Variants in MPZL1 observed in about 807,000 individuals in gnomAD.
The protein encoded by MPZL1 is myelin protein zero-like protein 1.
In MPZL1, 16 loss-of-function variants were observed where a neutral mutation model predicts 29.3. That is an observed-to-expected ratio of 0.55 (90% CI 0.37 to 0.83). The LOEUF (loss-of-function observed/expected upper bound fraction) is 0.83, where lower values mean the gene tolerates loss of function less well. Ranked by LOEUF, MPZL1 falls within the 40% of genes least tolerant of loss-of-function variation. The pLI is 0.00. For missense variants in MPZL1, 279 were observed against 332.9 expected (o/e 0.84, Z 1.26); for synonymous variants, 143 against 132.0 (o/e 1.08, Z -0.57).
intron 2 of MPZL1, among the ~76,000 whole-genome samples, chr1:167,766,872 T>G (rs552667655): frequency 7.9e-5 from 12 of 152,202 alleles, no homozygotes; most frequent in African/African-American, 2.9e-4. Flanking sequence ...GGTAGAAAAA[T>G]CTGCTAATAA....
rs536731229 is a variant in MPZL1, at chr1:167,731,156, C to T, written c.91+8914C>T. On this transcript the variant is annotated intron_variant, in intron 1 of 5. Transcript: ENST00000359523. ...ATGGATTTAAGACCAGAAAATGGGC[C>T]GGGTGCCGTGGCTCGCGCCTGTAAT... Among the ~76,000 whole-genome samples, 26 of 152,166 alleles carry T rather than the reference C, an allele frequency of 1.7e-4. 1 individual carries two copies. The South Asian group carries it at 4.4e-3, about 26-fold the overall frequency.
At chr1:167,780,333 A>G (rs1368993561) in intron 5 of MPZL1, among the ~76,000 whole-genome samples, 2 of 152,208 alleles carry the variant, frequency 1.3e-5, no homozygotes, top group Non-Finnish European at 2.9e-5. Flanking sequence ...GCAAGAACCA[A>G]TCATATGCTG....
chr1:167,730,374 G>A (rs1660237328), intron 1 of MPZL1, among the ~76,000 whole-genome samples: 2 of 152,000 alleles, frequency 1.3e-5, no homozygotes, highest in South Asian at 4.2e-4. Context: ...CACCTCCCTG[G>A]TTCAAGTGAT....
intron 1 of MPZL1, among the ~76,000 whole-genome samples, chr1:167,735,148 C>A (rs892017799): frequency 6.6e-6 from 1 of 152,230 alleles, no homozygotes; most frequent in African/African-American, 2.4e-5. Flanking sequence ...CATTTCTTTT[C>A]TCACTTTGTC....
At chr1:167,730,822 A>G (rs1660248290) in intron 1 of MPZL1, among the ~76,000 whole-genome samples, 1 of 152,036 alleles carries the variant, frequency 6.6e-6, no homozygotes, top group Admixed American at 6.6e-5. Context: ...GAATGTCCAA[A>G]CAGGCCCAGG....
At chr1:167,722,385 G>C (rs1558104109) in intron 1 of MPZL1, 143 bp downstream of exon 1, 2 of 1,212,892 alleles carry the variant, frequency 1.6e-6, no homozygotes, top group Admixed American at 4.3e-5. Context: ...CTGGGGCCGA[G>C]GGGACCCAGC....
At chr1:167,741,292 G>C (rs1250913479) in intron 1 of MPZL1, among the ~76,000 whole-genome samples, 1 of 150,292 alleles carries the variant, frequency 6.7e-6, no homozygotes, top group East Asian at 2.0e-4. Context: ...AAAGTGCTGG[G>C]ATTACAGGCA....
At chr1:167,724,889 A>G (rs184805721) in intron 1 of MPZL1, among the ~76,000 whole-genome samples, 2 of 152,296 alleles carry the variant, frequency 1.3e-5, no homozygotes, top group Admixed American at 1.3e-4. Flanking sequence ...AGAGCCAAAG[A>G]CGGAGTTTTG....
At chr1:167,754,675 C>T (rs574227281) in intron 1 of MPZL1, among the ~76,000 whole-genome samples, 7 of 152,282 alleles carry the variant, frequency 4.6e-5, no homozygotes, top group African/African-American at 1.7e-4. Flanking sequence ...GGCTCGTCTG[C>T]TTCAGGCATG....
intron 5 of MPZL1, among the ~76,000 whole-genome samples, chr1:167,778,623 C>CA (rs1661422813): frequency 6.6e-6 from 1 of 151,520 alleles, no homozygotes; most frequent in Admixed American, 6.6e-5. Flanking sequence ...CAGGAGAAAT[C>CA]AATCAGAAAC....
intron 1 of MPZL1, among the ~76,000 whole-genome samples, chr1:167,742,985 T>A (rs1660566999): frequency 1.3e-5 from 2 of 152,104 alleles, no homozygotes; most frequent in African/African-American, 4.8e-5. Context: ...TTTGTTCCTT[T>A]GGTCTATGTG....
intron 5 of MPZL1, among the ~76,000 whole-genome samples, chr1:167,786,160 A>G (rs1162385916): frequency 1.3e-5 from 2 of 152,156 alleles, no homozygotes; most frequent in Non-Finnish European, 2.9e-5. Flanking sequence ...GCTTTCTGAG[A>G]TGAATATAGA....
At chr1:167,739,588 T>C (rs1453118903) in intron 1 of MPZL1, among the ~76,000 whole-genome samples, 1 of 152,154 alleles carries the variant, frequency 6.6e-6, no homozygotes, top group African/African-American at 2.4e-5. Context: ...TCAAGTTCTC[T>C]GTATGTGCTG....
intron 5 of MPZL1, among the ~76,000 whole-genome samples, chr1:167,781,224 G>A (rs142157927): frequency 1.1e-3 from 166 of 152,166 alleles, no homozygotes; most frequent in African/African-American, 3.7e-3. Context: ...AAAAAGATGC[G>A]GAAGACTTAA....
At chr1:167,765,129 A>G (rs1300484314) in intron 1 of MPZL1, 1 of 152,356 alleles carries the variant, frequency 6.6e-6, no homozygotes, top group Non-Finnish European at 1.5e-5. Flanking sequence ...ATCCTAATGT[A>G]AACTATGGAC....
intron 1 of MPZL1, among the ~76,000 whole-genome samples, chr1:167,739,653 T>A (rs1660475223): frequency 1.3e-5 from 2 of 152,128 alleles, no homozygotes; most frequent in Non-Finnish European, 2.9e-5. Flanking sequence ...CCAGGGAGCC[T>A]GGTAAGCAGC....
chr1:167,771,919 C>T (rs532001058), intron 2 of MPZL1, among the ~76,000 whole-genome samples: 1 of 152,140 alleles, frequency 6.6e-6, no homozygotes, highest in Non-Finnish European at 1.5e-5. Flanking sequence ...AGGTCAGGAG[C>T]TGGAGGCCAG....
chr1:167,741,189 T>TC (rs1660515285), intron 1 of MPZL1, among the ~76,000 whole-genome samples: 1 of 136,250 alleles, frequency 7.3e-6, no homozygotes, highest in South Asian at 2.4e-4. Context: ...GCTAATTTTT[T>TC]TTTTTTTTTT....
At chr1:167,770,843 G>C (rs989326381) in intron 2 of MPZL1, among the ~76,000 whole-genome samples, 23 of 152,054 alleles carry the variant, frequency 1.5e-4, no homozygotes, top group Non-Finnish European at 3.1e-4. Context: ...ATAAAATTAT[G>C]GGTGGTAATA....
Sources: allele counts gnomAD v4.1 joint callset (sites outside exome capture counted in the v4.1 genomes callset), GRCh38; gene constraint gnomAD v4.1.1; transcripts MANE v1.5; gene names NCBI Gene and HGNC (gene_info 2026-07-23, HGNC 2026-07-21).